The following ANO4 variants were observed in gnomAD, a reference collection of about 807,000 sequenced individuals.
The protein encoded by ANO4 is anoctamin-4.
ANO4 carries 69 observed loss-of-function variants against 141.9 expected under a neutral mutation model. The ratio of observed to expected loss-of-function variants is 0.49; its 90% CI spans 0.40 to 0.59. The LOEUF is 0.59. Ranked by LOEUF, ANO4 falls within the 20% of genes least tolerant of loss-of-function variation. ANO4 has a pLI of 0.00. For missense variants in ANO4, 894 were observed against 1,162.2 expected (o/e 0.77, Z 3.36); for synonymous variants, 350 against 394.3 (o/e 0.89, Z 1.33).
intron 1 of ANO4, among the ~76,000 whole-genome samples, chr12:100,873,292 T>C (rs959974400): frequency 6.6e-6 from 1 of 151,990 alleles, no homozygotes; most frequent in Non-Finnish European, 1.5e-5. Flanking sequence ...TGGGCAGAAG[T>C]TGAAAGAGTA....
intron 14 of ANO4, among the ~76,000 whole-genome samples, chr12:101,049,302 GA>G (rs1462091408): frequency 2.0e-5 from 3 of 152,078 alleles, no homozygotes; most frequent in Non-Finnish European, 4.4e-5. Flanking sequence ...ATGAATATTG[GA>G]ATCTTCCCCA....
At chr12:100,801,878 C>T (rs915182254) in intron 1 of ANO4, among the ~76,000 whole-genome samples, 5 of 152,116 alleles carry the variant, frequency 3.3e-5, no homozygotes, top group African/African-American at 1.2e-4. Flanking sequence ...TTAATAGGGT[C>T]TGGAAAATGC....
intron 1 of ANO4, among the ~76,000 whole-genome samples, chr12:100,885,889 C>T (rs1210464519): frequency 1.3e-5 from 2 of 152,168 alleles, no homozygotes; most frequent in Non-Finnish European, 2.9e-5. Context: ...TTATTTCTGG[C>T]AGTACTAGGT....
intron 1 of ANO4, among the ~76,000 whole-genome samples, chr12:100,883,159 C>A (rs777257574): frequency 6.6e-6 from 1 of 152,164 alleles, no homozygotes; most frequent in Non-Finnish European, 1.5e-5. Flanking sequence ...GGCCAGTAAG[C>A]TCTAAAATTT....
chr12:101,019,918 A>G, intron 8 of ANO4, 116 bp from the exon 9 acceptor site: 1 of 777,322 alleles, frequency 1.3e-6, no homozygotes, highest in South Asian at 1.5e-5. Context: ...TTCCAGACAC[A>G]CCCTGTCTAT....
chr12:100,799,247 A>G (rs2092305323), intron 1 of ANO4, among the ~76,000 whole-genome samples: 2 of 152,188 alleles, frequency 1.3e-5, no homozygotes, highest in Admixed American at 6.5e-5. Context: ...TTCTAAGACA[A>G]TTGACCCATA....
intron 2 of ANO4, among the ~76,000 whole-genome samples, chr12:100,906,929 G>T (rs2040872667): frequency 6.6e-6 from 1 of 152,168 alleles, no homozygotes; most frequent in Non-Finnish European, 1.5e-5. Context: ...GGAAGATCCA[G>T]GTTTTCCTTA....
At chr12:100,774,018 T>C (rs963271660) in intron 3 of ANO4, among the ~76,000 whole-genome samples, 1 of 152,210 alleles carries the variant, frequency 6.6e-6, no homozygotes, top group Non-Finnish European at 1.5e-5. Flanking sequence ...AATGGCAGAG[T>C]TGAGTAGTTG....
intron 3 of ANO4, among the ~76,000 whole-genome samples, chr12:100,761,632 C>T (rs1421248430): frequency 2.6e-5 from 4 of 152,290 alleles, no homozygotes; most frequent in South Asian, 2.1e-4. Flanking sequence ...GCAAAAATCC[C>T]AGGAAAGTGG....
intron 2 of ANO4, among the ~76,000 whole-genome samples, chr12:100,915,452 T>C (rs192907287): frequency 6.6e-6 from 1 of 152,302 alleles, no homozygotes; most frequent in East Asian, 1.9e-4. Context: ...GAGGCTATCA[T>C]AGAAAATATC....
chr12:100,914,994 T>TA (rs1036552677), intron 2 of ANO4, among the ~76,000 whole-genome samples: 62 of 127,844 alleles, frequency 4.8e-4, no homozygotes, highest in Admixed American at 7.1e-4. Flanking sequence ...TTATTTTATA[T>TA]TTTTTTTTAG....
Position 100,749,201 on chromosome 12 carries a change from A to G in ANO4, c.358+9096A>G, listed in dbSNP as rs188057112. The stretch of plus-strand genomic sequence containing the variant: ...AAGTTGAGTGCTGAATGTGTTATCA[A>G]TAGAGGTATTGCCGCACAGGGTGGC... On this transcript the variant is annotated intron_variant, in intron 3 of 29. Coordinates refer to the ANO4 transcript ENST00000644049. Among the ~76,000 whole-genome samples the G allele has an allele frequency of 2.1e-3, 318 of 152,284 alleles. 2 individuals carry two copies. Among genetic ancestry groups the G allele is most frequent in the African/African-American group, 7.4e-3 (306 of 41,572 alleles).
chr12:100,959,591 C>G (rs2043321568), intron 5 of ANO4, among the ~76,000 whole-genome samples: 2 of 152,182 alleles, frequency 1.3e-5, no homozygotes, highest in Non-Finnish European at 1.5e-5. Flanking sequence ...GGCCTGTGAT[C>G]AAATCCAGCA....
upstream of ANO4, chr12:100,794,518 T>C (rs2034179351): frequency 6.6e-6 from 1 of 152,290 alleles, no homozygotes; most frequent in Non-Finnish European, 1.5e-5. Flanking sequence ...GAACTGGCTG[T>C]CATCTGCTGC....
At chr12:100,933,734 A>G (rs983988952) in intron 3 of ANO4, among the ~76,000 whole-genome samples, 8 of 152,200 alleles carry the variant, frequency 5.3e-5, no homozygotes, top group African/African-American at 1.9e-4. Flanking sequence ...TCCCACCAAC[A>G]ATGTAAAAGC....
chr12:100,967,631 C>T (rs2043737337), intron 5 of ANO4, among the ~76,000 whole-genome samples: 1 of 151,548 alleles, frequency 6.6e-6, no homozygotes, highest in African/African-American at 2.4e-5. Flanking sequence ...TATTCATCGC[C>T]ATTCAAGAGA....
intron 1 of ANO4, among the ~76,000 whole-genome samples, chr12:100,855,633 G>T (rs909499960): frequency 2.6e-5 from 4 of 151,876 alleles, no homozygotes; most frequent in African/African-American, 9.7e-5. Context: ...GAATATTTTT[G>T]CATTTGTAGT....
chr12:100,977,535 A>G lies in ANO4; in HGVS notation c.602+2646A>G, dbSNP rs544435623. Among the ~76,000 whole-genome samples the G allele has an allele frequency of 1.8e-4, 28 of 152,272 alleles. 1 individual carries two copies. The highest frequency in any genetic ancestry group is 6.7e-4 in the African/African-American group (28 of 41,548). On this transcript the variant is annotated intron_variant, in intron 7 of 27. Transcript: ENST00000392977. ...GCCCCATCTCTAAAAATGTAAATAA[A>G]AAAAACCTAAGGGTCATTTTGGATG...
intron 3 of ANO4, among the ~76,000 whole-genome samples, chr12:100,763,384 AG>A (rs1280705945): frequency 6.6e-6 from 1 of 152,208 alleles, no homozygotes; most frequent in Admixed American, 6.5e-5. Flanking sequence ...GAAACAAAGT[AG>A]GCATATTTCC....
Sources: gnomAD v4.1 joint callset for allele counts (sites outside exome capture counted in the v4.1 genomes callset) on GRCh38, gnomAD v4.1.1 for gene constraint, MANE v1.5 for transcripts, NCBI Gene and HGNC (gene_info 2026-07-23, HGNC 2026-07-21) for gene names.